Variants in E2F2 observed in about 807,000 individuals in gnomAD.
The protein encoded by E2F2 is transcription factor E2F2.
E2F2 carries 22 observed loss-of-function variants against 42.2 expected under a neutral mutation model. The observed-to-expected ratio is 0.52, with a 90% confidence interval of 0.37 to 0.74. E2F2 has a LOEUF of 0.74. Ranked by LOEUF, E2F2 falls within the 30% of genes least tolerant of loss-of-function variation. The probability of loss-of-function intolerance (pLI) is 0.00; values close to 1 mark genes in which losing one functional copy is unlikely to be tolerated. For synonymous variants in E2F2, 248 were observed against 251.6 expected (o/e 0.99, Z 0.13); for missense variants, 481 against 557.8 (o/e 0.86, Z 1.39).
intron 1 of E2F2, among the ~76,000 whole-genome samples, chr1:23,528,285 G>T (rs185858459): frequency 6.6e-6 from 1 of 152,194 alleles, no homozygotes; most frequent in African/African-American, 2.4e-5. Flanking sequence ...AGTGCCTGAG[G>T]TCCCTTTAAA....
chr1:23,513,381 T>C (rs1192502557), intron 6 of E2F2, among the ~76,000 whole-genome samples: 2 of 152,030 alleles, frequency 1.3e-5, no homozygotes, highest in African/African-American at 4.8e-5. Flanking sequence ...ATGTCAGAGA[T>C]GATGTTGTTG....
Position 23,530,557 on chromosome 1 carries a change from C to T in E2F2, c.237G>A (p.Pro79=), listed in dbSNP as rs771688323. Residue 79 remains proline, a synonymous_variant, in exon 1 of 7, where the codon CCG becomes CCA. Coordinates refer to ENST00000361729, the MANE Select transcript of E2F2 (RefSeq NM_004091.4). This position sits in a 1 kb window ranked among gnomAD's most constrained non-coding sequence, Gnocchi z 4.4. ...GPEGQVVRCL[P]AGRLPAKRKL... is the part of the protein sequence containing the mutation. The stretch of plus-strand genomic sequence containing the variant: ...CCAGCATTACCGGCAGCCGGCCTGC[C>T]GGCAGGCATCGCACAACTTGGCCCT... 1.9e-6 allele frequency: 3 copies of T among 1,610,852 alleles called. No homozygotes were observed. Among genetic ancestry groups the T allele is most frequent in the Non-Finnish European group, 1.7e-6 (2 of 1,178,772 alleles).
chr1:23,517,836 G>C (rs1397144176), intron 5 of E2F2, among the ~76,000 whole-genome samples: 1 of 152,234 alleles, frequency 6.6e-6, no homozygotes, highest in Non-Finnish European at 1.5e-5. Flanking sequence ...ATCAGGCAGA[G>C]AGGGAAGAAC....
chr1:23,516,835 G>A (rs1186164601), intron 5 of E2F2, among the ~76,000 whole-genome samples: 2 of 151,254 alleles, frequency 1.3e-5, no homozygotes, highest in Admixed American at 6.6e-5. Context: ...CAATGCCAGT[G>A]GGTGAGCTTG....
intron 4 of E2F2, 118 bp downstream of exon 4, chr1:23,520,795 C>T: frequency 8.9e-7 from 1 of 1,118,100 alleles, no homozygotes. Flanking sequence ...AAAAGCCACC[C>T]AGGAAGGAAG....
chr1:23,517,944 C>T (rs1643057703), intron 5 of E2F2, among the ~76,000 whole-genome samples: 1 of 151,488 alleles, frequency 6.6e-6, no homozygotes, highest in South Asian at 2.1e-4. Flanking sequence ...CCAAGGCGGG[C>T]AAATCACTTC....
chr1:23,526,851 G>GCACACACACACACA (rs3221150), intron 1 of E2F2, among the ~76,000 whole-genome samples: 113 of 148,826 alleles, frequency 7.6e-4, no homozygotes, highest in East Asian at 6.1e-3. Flanking sequence ...GCATGTACTT[G>GCACACACACACACA]CACACACACA....
At chr1:23,529,050 C>T (rs988903041) in intron 1 of E2F2, among the ~76,000 whole-genome samples, 1 of 151,966 alleles carries the variant, frequency 6.6e-6, no homozygotes, top group African/African-American at 2.4e-5. Flanking sequence ...CCTGTCTCTA[C>T]AAAAAATAAA....
At chr1:23,515,563 T>G (rs1257997452) in intron 6 of E2F2, among the ~76,000 whole-genome samples, 1 of 152,172 alleles carries the variant, frequency 6.6e-6, no homozygotes, top group African/African-American at 2.4e-5. Flanking sequence ...TTATTTTATT[T>G]TTATTAGAGA....
intron 5 of E2F2, among the ~76,000 whole-genome samples, chr1:23,517,085 C>T (rs190556644): frequency 1.3e-5 from 2 of 152,270 alleles, no homozygotes; most frequent in East Asian, 3.9e-4. Context: ...TGAGACAGAC[C>T]TGAAGTCATA....
At chr1:23,527,753 C>T (rs1158372423) in intron 1 of E2F2, among the ~76,000 whole-genome samples, 8 of 152,260 alleles carry the variant, frequency 5.3e-5, no homozygotes, top group Non-Finnish European at 1.2e-4. Flanking sequence ...TCTGAGCCTA[C>T]ACCTCCTCAC....
intron 6 of E2F2, among the ~76,000 whole-genome samples, chr1:23,515,289 C>G (rs1209889853): frequency 2.6e-5 from 4 of 152,248 alleles, no homozygotes; most frequent in African/African-American, 9.6e-5. Context: ...GACTCCCACC[C>G]TCCTTGGGAA....
chr1:23,517,152 T>A (rs1643040924), intron 5 of E2F2, among the ~76,000 whole-genome samples: 1 of 152,172 alleles, frequency 6.6e-6, no homozygotes, highest in Admixed American at 6.5e-5. Context: ...CCAGGACTTG[T>A]CATTTGGTTC....
Position 23,524,508 on chromosome 1 carries a change from G to A in E2F2, c.253-20C>T. 6.2e-7 allele frequency: 1 copy of A among 1,608,146 alleles called. No homozygotes were observed. Among genetic ancestry groups the A allele is most frequent in the Non-Finnish European group, 8.5e-7 (1 of 1,175,856 alleles). On this transcript the variant is annotated intron_variant, in intron 1 of 6. Transcript: ENST00000361729. ...TTTGGCCTTGGAGAAAAGGGGGAGA[G>A]AGAGGCAGAGTTTGAGAATCATTCC...
At chr1:23,529,220 C>T (rs1184569174) in intron 1 of E2F2, among the ~76,000 whole-genome samples, 1 of 152,164 alleles carries the variant, frequency 6.6e-6, no homozygotes, top group Admixed American at 6.5e-5. Flanking sequence ...ATGTTTTAGG[C>T]TATAAAACAC....
intron 4 of E2F2, among the ~76,000 whole-genome samples, 188 bp downstream of exon 4, chr1:23,520,725 G>A (rs149208786): frequency 2.6e-5 from 4 of 152,162 alleles, no homozygotes; most frequent in African/African-American, 4.8e-5. Flanking sequence ...CCTGGATGAC[G>A]GAATGAGTCC....
chr1:23,513,574 G>A (rs1317701237), intron 6 of E2F2, among the ~76,000 whole-genome samples: 2 of 141,986 alleles, frequency 1.4e-5, no homozygotes, highest in Non-Finnish European at 3.0e-5. Context: ...GTGTGTGTGT[G>A]TGTGTGTGTG....
intron 4 of E2F2, 103 bp from the exon 5 acceptor site, chr1:23,519,233 C>A: frequency 1.5e-6 from 1 of 673,700 alleles, no homozygotes; most frequent in Admixed American, 2.6e-5. Flanking sequence ...CTGAACATTA[C>A]TTTCTCACTC....
intron 6 of E2F2, among the ~76,000 whole-genome samples, chr1:23,511,781 T>G (rs1642914011): frequency 6.6e-6 from 1 of 152,210 alleles, no homozygotes; most frequent in South Asian, 2.1e-4. Context: ...TAATTTATTT[T>G]GAGATGGAGT....
Sources: gnomAD v4.1 joint callset for allele counts (sites outside exome capture counted in the v4.1 genomes callset) on GRCh38, gnomAD v4.1.1 for gene constraint, Gnocchi (gnomAD v3.1) non-coding constraint, MANE v1.5 for transcripts, NCBI Gene and HGNC (gene_info 2026-07-23, HGNC 2026-07-21) for gene names.